AGBL1: variants seen among roughly 807,000 people sequenced by gnomAD.
The protein encoded by AGBL1 is AGBL carboxypeptidase 1, also known as cytosolic carboxypeptidase 4.
AGBL1 carries 130 observed loss-of-function variants against 118.9 expected under a neutral mutation model. The observed-to-expected ratio is 1.09, with a 90% CI of 0.95 to 1.26. The LOEUF is 1.26. AGBL1 is among the 50% of genes most tolerant of loss of function. AGBL1 has a pLI of 0.00. For missense variants in AGBL1, 1,584 were observed against 1,298.1 expected, an observed-to-expected ratio of 1.22 and a Z score of -3.38; for synonymous variants, 555 against 478.9, an observed-to-expected ratio of 1.16 and a Z score of -2.08.
At position 86,869,121 on chromosome 15, in the gene AGBL1, T is replaced by C. The variant is rs1184067424; in HGVS notation, c.3159-37966T>C. 3.3e-5 allele frequency among the ~76,000 whole-genome samples: 5 copies of C among 152,352 alleles called. No homozygotes were observed. The East Asian group carries it at 9.6e-4, about 29-fold the overall frequency. On this transcript the variant is annotated intron_variant, in intron 22 of 22. Transcript: ENST00000614907. ...AATTTGAGTTAAGCAGACTAAACTC[T>C]ATGAAACTGTGCTTGCACAACTGAT...
chr15:86,513,142 A>G lies in AGBL1; in HGVS notation c.2556-9668A>G, dbSNP rs530088206. On this transcript the variant is annotated intron_variant, in intron 18 of 22. Coordinates refer to ENST00000614907, the MANE Select transcript of AGBL1 (RefSeq NM_001386094.1). ...AGTATTAATTACATACATTATTCAG[A>G]TTTCACCAATCATTCCAATAATGTT... Among the ~76,000 whole-genome samples the G allele has an allele frequency of 5.9e-5, 9 of 152,092 alleles. No individual in the cohort carries two copies. In the South Asian group the frequency reaches 1.7e-3, roughly 28 times the overall value.
intron 18 of AGBL1, among the ~76,000 whole-genome samples, chr15:86,452,773 C>T (rs1196431464): frequency 6.6e-6 from 1 of 152,142 alleles, no homozygotes; most frequent in African/African-American, 2.4e-5. Context: ...CCCTGACCCA[C>T]CCTTGCTATT....
chr15:86,394,469 A>C (rs561065838), intron 17 of AGBL1, among the ~76,000 whole-genome samples: 2 of 152,258 alleles, frequency 1.3e-5, no homozygotes, highest in Non-Finnish European at 1.5e-5. Flanking sequence ...CATTCAAGGT[A>C]ATATTATTAT....
chr15:87,014,073 C>G (rs1158094555), intron 24 of AGBL1, among the ~76,000 whole-genome samples: 1 of 152,086 alleles, frequency 6.6e-6, no homozygotes. Context: ...ATGATAGACA[C>G]TTATTATTTC....
chr15:86,735,455 T>C (rs1460166470), intron 22 of AGBL1, among the ~76,000 whole-genome samples: 1 of 151,990 alleles, frequency 6.6e-6, no homozygotes, highest in Admixed American at 6.6e-5. Context: ...AGTGGGCAGA[T>C]TTCAAAGGAA....
chr15:86,390,366 A>G (rs2081257995), intron 17 of AGBL1, among the ~76,000 whole-genome samples: 1 of 152,130 alleles, frequency 6.6e-6, no homozygotes. Flanking sequence ...AATATAGACA[A>G]TATGAGAAAT....
intron 1 of AGBL1, among the ~76,000 whole-genome samples, chr15:86,133,175 C>T (rs1204529946): frequency 6.6e-6 from 1 of 152,176 alleles, no homozygotes; most frequent in Admixed American, 6.5e-5. Flanking sequence ...AACCCCTTCT[C>T]TTCTGTCTTT....
At chr15:86,287,827 C>T (rs2079478921) in intron 16 of AGBL1, among the ~76,000 whole-genome samples, 2 of 152,136 alleles carry the variant, frequency 1.3e-5, no homozygotes. Context: ...AATAGCATTT[C>T]AGTCTCTTGA....
rs558685384 is a variant in AGBL1, at chr15:86,715,829, C to T, written c.3158+41393C>T. On this transcript the variant is annotated intron_variant, in intron 22 of 22. Transcript: ENST00000614907. Reference sequence around the variant, plus strand: ...ATCCCAGCACTTTGGGAGGCTGAGGCGGGCGGATCACAAGGTCAGGAGATC... The same window carrying T: ...ATCCCAGCACTTTGGGAGGCTGAGGTGGGCGGATCACAAGGTCAGGAGATC... 2.6e-3 allele frequency among the ~76,000 whole-genome samples: 397 copies of T among 152,122 alleles called. 2 individuals are homozygous for T. Among genetic ancestry groups the T allele is most frequent in the African/African-American group, 9.3e-3 (387 of 41,482 alleles).
intron 18 of AGBL1, among the ~76,000 whole-genome samples, chr15:86,468,198 C>T (rs1161826258): frequency 6.6e-6 from 1 of 152,132 alleles, no homozygotes; most frequent in African/African-American, 2.4e-5. Flanking sequence ...TTCTCCTCCT[C>T]TCCGCAAGAA....
At chr15:87,019,766 C>A (rs1210543681) in intron 24 of AGBL1, among the ~76,000 whole-genome samples, 2 of 151,486 alleles carry the variant, frequency 1.3e-5, no homozygotes, top group Non-Finnish European at 2.9e-5. Context: ...AATAAATAAC[C>A]AAGATTAGAG....
At chr15:86,515,194 C>G (rs2083105351) in intron 18 of AGBL1, among the ~76,000 whole-genome samples, 1 of 152,098 alleles carries the variant, frequency 6.6e-6, no homozygotes, top group South Asian at 2.1e-4. Flanking sequence ...TGAATAATAC[C>G]TCTTGTCTAG....
chr15:86,319,639 C>A (rs2080072145), intron 17 of AGBL1, among the ~76,000 whole-genome samples: 1 of 151,342 alleles, frequency 6.6e-6, no homozygotes, highest in Admixed American at 6.6e-5. Flanking sequence ...TTTTATTTGC[C>A]CATCTCTGCA....
chr15:86,516,000 C>A (rs547200215), intron 18 of AGBL1, among the ~76,000 whole-genome samples: 1 of 152,170 alleles, frequency 6.6e-6, no homozygotes, highest in Non-Finnish European at 1.5e-5. Context: ...CAACTCAAAG[C>A]GGGGGAGGGA....
intron 18 of AGBL1, among the ~76,000 whole-genome samples, chr15:86,492,868 C>A (rs1338288667): frequency 6.6e-6 from 1 of 152,022 alleles, no homozygotes; most frequent in Non-Finnish European, 1.5e-5. Flanking sequence ...TGAAGAGAGA[C>A]AACATGGTGA....
chr15:86,281,973 G>A (rs549304048), intron 16 of AGBL1, among the ~76,000 whole-genome samples: 1 of 152,108 alleles, frequency 6.6e-6, no homozygotes, highest in Non-Finnish European at 1.5e-5. Flanking sequence ...TCCAAACATG[G>A]TCTAATTCTT....
chr15:86,946,044 G>C (rs905579068), intron 23 of AGBL1: 5 of 152,150 alleles, frequency 3.3e-5, no homozygotes, highest in African/African-American at 1.2e-4. Flanking sequence ...TAACTTAATT[G>C]CCCGAAGTCA....
intron 17 of AGBL1, among the ~76,000 whole-genome samples, chr15:86,360,510 T>C (rs538431418): frequency 1.3e-5 from 2 of 152,092 alleles, no homozygotes; most frequent in Admixed American, 1.3e-4. Context: ...TATAGTTTTC[T>C]TTCCTTTTTG....
chr15:86,664,167 T>C (rs562795906), intron 21 of AGBL1, among the ~76,000 whole-genome samples: 1 of 152,282 alleles, frequency 6.6e-6, no homozygotes, highest in South Asian at 2.1e-4. Flanking sequence ...AAACCTGGGC[T>C]GAAAGGACAC....
Sources: allele counts gnomAD v4.1 joint callset (sites outside exome capture counted in the v4.1 genomes callset), GRCh38; gene constraint gnomAD v4.1.1; transcripts MANE v1.5; gene names NCBI Gene and HGNC (gene_info 2026-07-23, HGNC 2026-07-21).